The following CRPPA variants were observed in gnomAD, a reference collection of about 807,000 sequenced individuals.
CRPPA encodes the protein D-ribitol-5-phosphate cytidylyltransferase.
In CRPPA, 43 loss-of-function variants were observed where a neutral mutation model predicts 52.0. That is an observed-to-expected ratio of 0.83 (90% CI 0.65 to 1.07). The LOEUF (loss-of-function observed/expected upper bound fraction) is 1.07. CRPPA is among the 50% of genes least tolerant of loss of function. The pLI is 0.00. For synonymous variants in CRPPA, 250 were observed against 203.5 expected, an observed-to-expected ratio of 1.23 and a Z score of -1.94; for missense variants, 629 against 551.7, an observed-to-expected ratio of 1.14 and a Z score of -1.40.
chr7:16,204,036 C>A (rs750901639), intron 9 of CRPPA, among the ~76,000 whole-genome samples: 1 of 152,042 alleles, frequency 6.6e-6, no homozygotes, highest in Non-Finnish European at 1.5e-5. Context: ...TTAAAAATTG[C>A]GTATCTATGT....
chr7:16,407,774 T>C (rs1787989344), intron 1 of CRPPA, among the ~76,000 whole-genome samples: 1 of 152,108 alleles, frequency 6.6e-6, no homozygotes, highest in Non-Finnish European at 1.5e-5. Context: ...GCCTTTTCAT[T>C]TTAAGCCCAT....
chr7:16,130,589 T>C (rs944911213), intron 9 of CRPPA, among the ~76,000 whole-genome samples: 3 of 152,304 alleles, frequency 2.0e-5, no homozygotes, highest in Admixed American at 1.3e-4. Flanking sequence ...TTCTGTCAAA[T>C]TGCAGGATTT....
intron 3 of CRPPA, among the ~76,000 whole-genome samples, chr7:16,370,466 C>T (rs1370013779): frequency 6.6e-6 from 1 of 152,110 alleles, no homozygotes; most frequent in Non-Finnish European, 1.5e-5. Flanking sequence ...CATTCCCCAG[C>T]ACCAGTCCAG....
chr7:16,157,622 A>G (rs909755875), intron 9 of CRPPA, among the ~76,000 whole-genome samples: 3 of 152,104 alleles, frequency 2.0e-5, no homozygotes, highest in Non-Finnish European at 4.4e-5. Flanking sequence ...ATATAATTCC[A>G]TTTGCAAGGA....
At chr7:16,398,345 G>C (rs79160554) in intron 2 of CRPPA, among the ~76,000 whole-genome samples, 1 of 69,604 alleles carries the variant, frequency 1.4e-5, no homozygotes, top group Non-Finnish European at 2.3e-5. Flanking sequence ...TTATCAACAC[G>C]TGTGACATGT....
chr7:16,126,840 G>T (rs111801580), intron 9 of CRPPA, among the ~76,000 whole-genome samples: 83 of 152,216 alleles, frequency 5.5e-4, no homozygotes, highest in African/African-American at 2.0e-3. Context: ...TGAATGAAAG[G>T]AACATCAGAG....
intron 2 of CRPPA, among the ~76,000 whole-genome samples, chr7:16,383,123 T>G (rs1366650703): frequency 6.6e-6 from 1 of 152,180 alleles, no homozygotes; most frequent in Non-Finnish European, 1.5e-5. Flanking sequence ...CTTTGTGGTT[T>G]TATCTACTTT....
intron 1 of CRPPA, among the ~76,000 whole-genome samples, chr7:16,410,921 A>C (rs1368045585): frequency 6.6e-6 from 1 of 152,186 alleles, no homozygotes; most frequent in East Asian, 1.9e-4. Context: ...GCCATTCTGC[A>C]TACAACATCC....
chr7:16,103,452 A>G (rs550173795), intron 9 of CRPPA, among the ~76,000 whole-genome samples: 2 of 152,172 alleles, frequency 1.3e-5, no homozygotes, highest in Non-Finnish European at 2.9e-5. Flanking sequence ...TTAAAGTATA[A>G]TTTTAAAAAA....
Position 16,203,556 on chromosome 7 carries a change from C to G in CRPPA, c.1251+12510G>C, listed in dbSNP as rs558238047. Among the ~76,000 whole-genome samples, 3 of 152,160 alleles carry G rather than the reference C, an allele frequency of 2.0e-5. No homozygotes were observed. The South Asian group carries it at 6.2e-4, about 32-fold the overall frequency. On this transcript the variant is annotated intron_variant, in intron 9 of 9. Transcript: ENST00000407010. ...GGAGCAGTATATTTTATAGTACATG[C>G]TTGATATTACTTAGAAAACCTCCCG...
At chr7:16,401,946 C>T (rs1006598542) in intron 2 of CRPPA, among the ~76,000 whole-genome samples, 2 of 152,036 alleles carry the variant, frequency 1.3e-5, no homozygotes, top group African/African-American at 4.8e-5. Flanking sequence ...AAGAGTAAAA[C>T]AACCTGATAG....
At chr7:16,245,162 T>G (rs1783235054) in intron 8 of CRPPA, among the ~76,000 whole-genome samples, 1 of 152,202 alleles carries the variant, frequency 6.6e-6, no homozygotes. Flanking sequence ...GATAGGCAAT[T>G]TTCCAATTAC....
In CRPPA at chr7:16,138,647, TA is replaced by T. The variant is rs543272763; in HGVS notation, c.1252-46849del. ...GCTTTGATATACTTTTCTCATTATATAAAAATGTCTACATCTTATAAAATTA... is the reference window on the plus strand; with the variant it reads ...GCTTTGATATACTTTTCTCATTATATAAAATGTCTACATCTTATAAAATTA... On this transcript the variant is annotated intron_variant, in intron 9 of 9. Coordinates refer to ENST00000407010, the MANE Select transcript of CRPPA (RefSeq NM_001101426.4). 3.1e-3 allele frequency among the ~76,000 whole-genome samples: 475 copies of T among 152,348 alleles called. 2 individuals carry two copies. The highest frequency in any genetic ancestry group is 0.011 in the African/African-American group (455 of 41,598).
intron 9 of CRPPA, among the ~76,000 whole-genome samples, chr7:16,201,981 T>A (rs1781871353): frequency 6.6e-6 from 1 of 152,192 alleles, no homozygotes; most frequent in South Asian, 2.1e-4. Context: ...TCCTAACACA[T>A]TAAGTTTGAT....
At chr7:16,360,606 T>C (rs866522992) in intron 3 of CRPPA, among the ~76,000 whole-genome samples, 1 of 152,062 alleles carries the variant, frequency 6.6e-6, no homozygotes, top group Non-Finnish European at 1.5e-5. Context: ...TTGACAAGGG[T>C]GCCAAGACCA....
At chr7:16,307,317 C>G (rs889354691) in intron 4 of CRPPA, among the ~76,000 whole-genome samples, 9 of 152,164 alleles carry the variant, frequency 5.9e-5, no homozygotes, top group Admixed American at 2.0e-4. Flanking sequence ...TCTAAACCAT[C>G]CCTGGCCTTG....
chr7:16,169,995 A>G (rs1781145074), intron 9 of CRPPA, among the ~76,000 whole-genome samples: 1 of 152,194 alleles, frequency 6.6e-6, no homozygotes, highest in Non-Finnish European at 1.5e-5. Context: ...AGCAGCTAGC[A>G]TTTCTAATTA....
chr7:16,330,439 G>A (rs181869934), intron 3 of CRPPA, among the ~76,000 whole-genome samples: 96 of 152,316 alleles, frequency 6.3e-4, no homozygotes, highest in Admixed American at 5.4e-3. Context: ...TGAGGTCATA[G>A]GTCAAGCTGC....
chr7:16,164,948 T>A (rs927817676), intron 9 of CRPPA, among the ~76,000 whole-genome samples: 1 of 152,022 alleles, frequency 6.6e-6, no homozygotes, highest in African/African-American at 2.4e-5. Flanking sequence ...TGTCGACTCC[T>A]GCTGGGAGGT....
Sources: allele counts gnomAD v4.1 joint callset (sites outside exome capture counted in the v4.1 genomes callset), GRCh38; gene constraint gnomAD v4.1.1; transcripts MANE v1.5; gene names NCBI Gene and HGNC (gene_info 2026-07-23, HGNC 2026-07-21).